The following ALDH1A2 variants were observed in gnomAD, a reference collection of about 807,000 sequenced individuals.
ALDH1A2 encodes retinal dehydrogenase 2.
A neutral mutation model predicts 60.3 loss-of-function variants in ALDH1A2; 27 were observed. The ratio of observed to expected loss-of-function variants is 0.45; its 90% confidence interval spans 0.33 to 0.62. The LOEUF is 0.62. Ranked by LOEUF, ALDH1A2 falls within the 20% of genes least tolerant of loss-of-function variation. The pLI, the probability that ALDH1A2 is intolerant of heterozygous loss-of-function variation, is 0.02. For synonymous variants in ALDH1A2, 289 were observed against 232.4 expected (o/e 1.24, Z -2.21); for missense variants, 581 against 643.8 (o/e 0.90, Z 1.06).
At chr15:58,009,840 A>C (rs960294959) in intron 4 of ALDH1A2, among the ~76,000 whole-genome samples, 4 of 152,118 alleles carry the variant, frequency 2.6e-5, no homozygotes, top group Non-Finnish European at 5.9e-5. Context: ...AGATGTTTGT[A>C]ACAGTGCCTT....
chr15:58,022,027 C>A (rs889254058), intron 1 of ALDH1A2, among the ~76,000 whole-genome samples: 9 of 152,192 alleles, frequency 5.9e-5, no homozygotes, highest in African/African-American at 2.2e-4. Flanking sequence ...GCTGTGGCCA[C>A]TGATGATGGC....
intron 9 of ALDH1A2, among the ~76,000 whole-genome samples, chr15:57,963,431 C>T (rs1596066380): frequency 6.6e-6 from 1 of 151,282 alleles, no homozygotes; most frequent in East Asian, 1.9e-4. Context: ...GCTCCATCTC[C>T]CGGGTTCACG....
At chr15:57,990,880 A>AAC (rs1465077836) in intron 7 of ALDH1A2, among the ~76,000 whole-genome samples, 1 of 151,552 alleles carries the variant, frequency 6.6e-6, no homozygotes, top group East Asian at 1.9e-4. Context: ...CATCTCAAAA[A>AAC]AAAAAAAAAA....
intron 1 of ALDH1A2, among the ~76,000 whole-genome samples, chr15:58,050,058 T>C (rs1260095285): frequency 2.0e-5 from 3 of 152,028 alleles, no homozygotes; most frequent in Non-Finnish European, 2.9e-5. Context: ...GGGTCCCCAT[T>C]TGAAAAAGCA....
At chr15:57,966,737 A>G (rs1352189104) in intron 7 of ALDH1A2, among the ~76,000 whole-genome samples, 1 of 152,188 alleles carries the variant, frequency 6.6e-6, no homozygotes, top group African/African-American at 2.4e-5. Flanking sequence ...TATATACTCC[A>G]TGATGACCCA....
intron 5 of ALDH1A2, among the ~76,000 whole-genome samples, chr15:57,994,362 C>G (rs574367974): frequency 6.6e-6 from 1 of 152,272 alleles, no homozygotes; most frequent in South Asian, 2.1e-4. Flanking sequence ...TACTACTGTA[C>G]TTTGAAAAAA....
chr15:58,003,312 T>C (rs1308274916), intron 4 of ALDH1A2, among the ~76,000 whole-genome samples: 2 of 151,844 alleles, frequency 1.3e-5, no homozygotes, highest in East Asian at 1.9e-4. Flanking sequence ...CTCACTCTTA[T>C]TCTGATGGAA....
intron 4 of ALDH1A2, 143 bp downstream of exon 4, chr15:58,010,505 AT>A: frequency 1.1e-6 from 1 of 949,368 alleles, no homozygotes; most frequent in South Asian, 1.6e-5. Flanking sequence ...CAGTGACATA[AT>A]TTGGTTGGTT....
At chr15:58,065,366 G>T (rs1250598122) in intron 1 of ALDH1A2, 168 bp downstream of exon 1, 14 of 712,112 alleles carry the variant, frequency 2.0e-5, no homozygotes, top group Admixed American at 1.5e-4. Context: ...GGCTTCAAAC[G>T]CCCCAGTCCC....
intron 1 of ALDH1A2, among the ~76,000 whole-genome samples, chr15:58,027,459 G>T (rs1475831839): frequency 6.6e-6 from 1 of 152,084 alleles, no homozygotes; most frequent in Non-Finnish European, 1.5e-5. Flanking sequence ...AGCAGAAAAG[G>T]TGAAAATTCT....
intron 3 of ALDH1A2, among the ~76,000 whole-genome samples, chr15:58,013,131 C>T (rs1895684782): frequency 6.6e-6 from 1 of 152,166 alleles, no homozygotes; most frequent in South Asian, 2.1e-4. Flanking sequence ...TCTACTGGCT[C>T]ACAGAATGAC....
At chr15:57,993,206 G>A in intron 5 of ALDH1A2, 133 bp from the exon 6 acceptor site, 2 of 1,109,276 alleles carry the variant, frequency 1.8e-6, no homozygotes, top group East Asian at 5.2e-5. Context: ...ACAGATGTTT[G>A]GATTTTCAAT....
chr15:58,030,705 A>T (rs943011566), intron 1 of ALDH1A2, among the ~76,000 whole-genome samples: 4 of 152,196 alleles, frequency 2.6e-5, no homozygotes, highest in Non-Finnish European at 5.9e-5. Context: ...TACAAAATCA[A>T]TGTGCAAAAA....
At chr15:58,030,172 A>G (rs946049203) in intron 1 of ALDH1A2, among the ~76,000 whole-genome samples, 1 of 152,214 alleles carries the variant, frequency 6.6e-6, no homozygotes, top group East Asian at 1.9e-4. Flanking sequence ...CCAGCAGCAC[A>G]TCAAAAAGCT....
chr15:57,962,960 G>A lies in ALDH1A2; in HGVS notation c.1087-784C>T, dbSNP rs60481179. Among the ~76,000 whole-genome samples the A allele has an allele frequency of 1.5e-3, 233 of 152,216 alleles. 1 individual carries two copies. The highest frequency in any genetic ancestry group is 5.2e-3 in the African/African-American group (216 of 41,520). On this transcript the variant is annotated intron_variant, in intron 9 of 12. Coordinates refer to ENST00000249750, the MANE Select transcript of ALDH1A2 (RefSeq NM_003888.4). ...TTTAGAAATATGCCTCGATGATTAC[G>A]GTGAACCTGCAGAGGAGGCTGTTCA... is the stretch of plus-strand genomic sequence containing the variant.
At chr15:57,971,672 C>T (rs1596072448) in intron 7 of ALDH1A2, among the ~76,000 whole-genome samples, 1 of 152,134 alleles carries the variant, frequency 6.6e-6, no homozygotes, top group South Asian at 2.1e-4. Flanking sequence ...GGTCCTCCTG[C>T]CTAGGCCTTG....
intron 1 of ALDH1A2, chr15:58,058,077 A>C (rs1288572058): frequency 4.2e-5 from 65 of 1,534,026 alleles, no homozygotes; most frequent in Non-Finnish European, 5.4e-5. Context: ...TTCTCCCAAA[A>C]AGGATTCTGC....
chr15:58,032,245 T>C (rs1209070045), intron 1 of ALDH1A2, among the ~76,000 whole-genome samples: 1 of 151,944 alleles, frequency 6.6e-6, no homozygotes, highest in Admixed American at 6.6e-5. Flanking sequence ...CTCAGCAAAC[T>C]ATTGCAAGGA....
At chr15:57,970,485 T>C (rs143895948) in intron 7 of ALDH1A2, among the ~76,000 whole-genome samples, 1 of 152,222 alleles carries the variant, frequency 6.6e-6, no homozygotes, top group African/African-American at 2.4e-5. Flanking sequence ...ACTGGAATCA[T>C]GTTCACAGCA....
Sources: allele counts gnomAD v4.1 joint callset (sites outside exome capture counted in the v4.1 genomes callset), GRCh38; gene constraint gnomAD v4.1.1; transcripts MANE v1.5; gene names NCBI Gene and HGNC (gene_info 2026-07-23, HGNC 2026-07-21).